Variants in LRRC4C observed in about 807,000 individuals in gnomAD.
The protein encoded by LRRC4C is leucine-rich repeat-containing protein 4C.
In LRRC4C, 5 loss-of-function variants were observed where a neutral mutation model predicts 33.6. That is an observed-to-expected ratio of 0.15 (90% CI 0.08 to 0.31). The LOEUF (loss-of-function observed/expected upper bound fraction) is 0.31, where lower values mean the gene tolerates loss of function less well. LRRC4C is among the 10% of genes least tolerant of loss of function. The probability of loss-of-function intolerance (pLI) is 1.00; values close to 1 mark genes in which losing one functional copy is unlikely to be tolerated. For missense variants in LRRC4C, 560 were observed against 796.7 expected, an observed-to-expected ratio of 0.70 and a Z score of 3.58; for synonymous variants, 329 against 302.0, an observed-to-expected ratio of 1.09 and a Z score of -0.93.
At chr11:40,312,081 A>T (rs1388721085) in intron 4 of LRRC4C, among the ~76,000 whole-genome samples, 3 of 152,186 alleles carry the variant, frequency 2.0e-5, no homozygotes, top group Non-Finnish European at 4.4e-5. Flanking sequence ...GTTAAGGCCA[A>T]AGAAGGGAAC....
At chr11:41,295,516 G>T (rs1950114724) in intron 1 of LRRC4C, among the ~76,000 whole-genome samples, 1 of 151,852 alleles carries the variant, frequency 6.6e-6, no homozygotes, top group African/African-American at 2.4e-5. Flanking sequence ...ACTGCTTAGT[G>T]TATTATTTTT....
chr11:40,912,162 C>A (rs1232397670), intron 2 of LRRC4C, among the ~76,000 whole-genome samples: 1 of 152,190 alleles, frequency 6.6e-6, no homozygotes, highest in Non-Finnish European at 1.5e-5. Context: ...TCTAGCAAGG[C>A]AGGCCAACGT....
intron 1 of LRRC4C, among the ~76,000 whole-genome samples, chr11:41,252,638 T>C (rs4581432): frequency 0.58 from 87,486 of 151,504 alleles, 26,554 homozygotes; most frequent in African/African-American, 0.77. Context: ...ACAAAAAATG[T>C]CCTATTTAAT....
chr11:40,783,484 T>C (rs919357488), intron 2 of LRRC4C, among the ~76,000 whole-genome samples: 2 of 151,770 alleles, frequency 1.3e-5, no homozygotes, highest in East Asian at 1.9e-4. Context: ...TTTATTTTTA[T>C]TTTTAGTAGA....
intron 4 of LRRC4C, among the ~76,000 whole-genome samples, chr11:40,272,669 A>C (rs1942795861): frequency 6.6e-6 from 1 of 152,168 alleles, no homozygotes; most frequent in South Asian, 2.1e-4. Context: ...CACATTAAAA[A>C]ATGCAATAAA....
chr11:40,876,667 G>A (rs565900356), intron 2 of LRRC4C, among the ~76,000 whole-genome samples: 2 of 152,072 alleles, frequency 1.3e-5, no homozygotes, highest in Admixed American at 1.3e-4. Context: ...CACTTTGGGA[G>A]GCCAAGGCGG....
At chr11:40,178,064 A>G (rs1357545546) in intron 5 of LRRC4C, among the ~76,000 whole-genome samples, 1 of 152,218 alleles carries the variant, frequency 6.6e-6, no homozygotes, top group Non-Finnish European at 1.5e-5. Context: ...ACAAGAGTAT[A>G]GGGCTCTATC....
chr11:40,603,823 G>A (rs1960277087), intron 3 of LRRC4C, among the ~76,000 whole-genome samples: 1 of 152,156 alleles, frequency 6.6e-6, no homozygotes, highest in African/African-American at 2.4e-5. Flanking sequence ...GGCTGAAGTG[G>A]AGAGAAGCTG....
chr11:40,566,742 C>A (rs1957783624), intron 3 of LRRC4C, among the ~76,000 whole-genome samples: 1 of 151,958 alleles, frequency 6.6e-6, no homozygotes, highest in African/African-American at 2.4e-5. Flanking sequence ...AACATTATTG[C>A]TAAGATAATT....
intron 1 of LRRC4C, among the ~76,000 whole-genome samples, chr11:41,354,428 T>G (rs1208708801): frequency 6.6e-6 from 1 of 152,070 alleles, no homozygotes; most frequent in African/African-American, 2.4e-5. Flanking sequence ...AAATTGATAT[T>G]GTTAAAATGG....
At chr11:40,309,494 A>T (rs1332938654) in intron 4 of LRRC4C, among the ~76,000 whole-genome samples, 1 of 150,354 alleles carries the variant, frequency 6.7e-6, no homozygotes, top group South Asian at 2.1e-4. Context: ...AACACGACAG[A>T]GAAGAAAGGA....
rs545765548 is a variant in LRRC4C at position 40,578,528 on chromosome 11, C to T, written c.-270+69614G>A. Reference sequence around the variant, plus strand: ...TCTTTTTTCTACCCAAGCATTCCTACACATATACCTGTCTCTTTCTCTCTC... The same window carrying T: ...TCTTTTTTCTACCCAAGCATTCCTATACATATACCTGTCTCTTTCTCTCTC... On this transcript the variant is annotated intron_variant, in intron 3 of 6. Coordinates refer to ENST00000528697, the MANE Select transcript of LRRC4C (RefSeq NM_001258419.2). Among the ~76,000 whole-genome samples, 6 of 152,138 alleles carry T rather than the reference C, an allele frequency of 3.9e-5. No homozygotes were observed. In the East Asian group the frequency reaches 1.2e-3, roughly 30 times the overall value.
At chr11:40,158,022 A>G (rs1858847760) in intron 5 of LRRC4C, among the ~76,000 whole-genome samples, 2 of 152,224 alleles carry the variant, frequency 1.3e-5, no homozygotes, top group Admixed American at 1.3e-4. Flanking sequence ...CCAAATGCCC[A>G]TCAATCAATG....
chr11:40,816,642 G>A (rs139558935), intron 2 of LRRC4C, among the ~76,000 whole-genome samples: 94 of 152,132 alleles, frequency 6.2e-4, no homozygotes, highest in African/African-American at 2.1e-3. Flanking sequence ...CATTATACTC[G>A]TGGATATAAT....
intron 1 of LRRC4C, among the ~76,000 whole-genome samples, chr11:41,196,832 T>G (rs902534532): frequency 2.6e-5 from 4 of 152,020 alleles, no homozygotes; most frequent in Non-Finnish European, 2.9e-5. Context: ...TAAAAATTCA[T>G]TTACTGCCAG....
chr11:41,031,063 C>T (rs1230919323), intron 1 of LRRC4C, among the ~76,000 whole-genome samples: 7 of 152,030 alleles, frequency 4.6e-5, no homozygotes, highest in Admixed American at 4.6e-4. Context: ...GTCCAAGATA[C>T]TGCTCACACC....
At chr11:40,262,889 G>A (rs1941964090) in intron 4 of LRRC4C, among the ~76,000 whole-genome samples, 1 of 151,820 alleles carries the variant, frequency 6.6e-6, no homozygotes, top group African/African-American at 2.4e-5. Context: ...TAGGTGGCGG[G>A]TTGATGGGTG....
intron 4 of LRRC4C, among the ~76,000 whole-genome samples, chr11:40,317,090 T>G (rs1590294394): frequency 6.6e-6 from 1 of 152,086 alleles, no homozygotes; most frequent in Non-Finnish European, 1.5e-5. Context: ...ATTCAACTAA[T>G]GTTTACTAAA....
intron 1 of LRRC4C, among the ~76,000 whole-genome samples, chr11:41,174,808 T>A (rs541006197): frequency 3.4e-4 from 51 of 152,204 alleles, no homozygotes; most frequent in South Asian, 1.5e-3. Context: ...AATGTCTACC[T>A]ATACCTAGAC....
Sources: gnomAD v4.1 joint callset for allele counts (sites outside exome capture counted in the v4.1 genomes callset) on GRCh38, gnomAD v4.1.1 for gene constraint, MANE v1.5 for transcripts, NCBI Gene and HGNC (gene_info 2026-07-23, HGNC 2026-07-21) for gene names.